The following ATAD2B variants were observed in gnomAD, a reference collection of about 807,000 sequenced individuals.
The protein encoded by ATAD2B is ATPase family AAA domain-containing protein 2B.
A neutral mutation model predicts 167.6 loss-of-function variants in ATAD2B; 40 were observed. The observed-to-expected ratio is 0.24, with a 90% confidence interval of 0.19 to 0.31. ATAD2B has a LOEUF of 0.31. Ranked by LOEUF, ATAD2B falls within the 10% of genes least tolerant of loss-of-function variation. ATAD2B has a pLI of 1.00. For missense variants in ATAD2B, 1,242 were observed against 1,757.2 expected (o/e 0.71, Z 5.24); for synonymous variants, 579 against 596.5 (o/e 0.97, Z 0.43).
chr2:23,721,416 C>T, the ATAD2B span, among the ~76,000 whole-genome samples: 1 of 152,172 alleles, frequency 6.6e-6, no homozygotes, highest in South Asian at 2.1e-4. Flanking sequence ...GAGGTTAAGC[C>T]CCAAGGCCAG....
At position 23,905,300 on chromosome 2, in the gene ATAD2B, T is replaced by C. The variant is rs543512134; in HGVS notation, c.217-9330A>G. ...TGGGAGGCTGAGGTAAAAGGATCAC[T>C]TAAGCCCATGAGTTCAAGAACAGCC... On this transcript the variant is annotated intron_variant, in intron 1 of 27. Coordinates refer to ENST00000238789, the MANE Select transcript of ATAD2B (RefSeq NM_017552.4). Among the ~76,000 whole-genome samples the C allele has an allele frequency of 1.8e-3, 278 of 152,300 alleles. 1 individual carries two copies. The highest frequency in any genetic ancestry group is 6.5e-3 in the African/African-American group (271 of 41,568).
chr2:23,728,178 A>C, the ATAD2B span, among the ~76,000 whole-genome samples: 115 of 152,244 alleles, frequency 7.6e-4, no homozygotes, highest in Admixed American at 3.0e-3. Flanking sequence ...GATGTAAGGG[A>C]AATTTCAGTA....
At chr2:23,890,832 T>A (rs775521798) in intron 2 of ATAD2B, among the ~76,000 whole-genome samples, 13 of 152,114 alleles carry the variant, frequency 8.5e-5, no homozygotes, top group Non-Finnish European at 1.6e-4. Flanking sequence ...AAGAAGACAA[T>A]GCTTACTTGG....
the ATAD2B span, among the ~76,000 whole-genome samples, chr2:23,681,826 T>C: frequency 6.6e-6 from 1 of 152,200 alleles, no homozygotes; most frequent in Non-Finnish European, 1.5e-5. This position sits in a 1 kb window ranked among gnomAD's most constrained non-coding sequence, Gnocchi z 4.2. Context: ...GGTTTGGGCA[T>C]TAATTCGGCT....
intron 19 of ATAD2B, among the ~76,000 whole-genome samples, chr2:23,795,685 G>C (rs764151661): frequency 1.3e-5 from 2 of 152,078 alleles, no homozygotes; most frequent in Non-Finnish European, 2.9e-5. Context: ...TTCAAGACCA[G>C]CCTGGCCAAC....
chr2:23,717,616 A>G, the ATAD2B span, among the ~76,000 whole-genome samples: 1 of 152,260 alleles, frequency 6.6e-6, no homozygotes, highest in Non-Finnish European at 1.5e-5. Flanking sequence ...GCTTCCTTCT[A>G]AAAGTTCAAG....
chr2:23,752,369 G>A lies in ATAD2B; in HGVS notation c.4336-282C>T, dbSNP rs948235966. On this transcript the variant is annotated intron_variant, in intron 27 of 27. Coordinates refer to ENST00000238789, the MANE Select transcript of ATAD2B (RefSeq NM_017552.4). ...GTAATATCAGTATGAGGTATGATAT[G>A]AGTAATATGAATATAAGGATGATGA... Among the ~76,000 whole-genome samples the A allele has an allele frequency of 2.6e-5, 4 of 151,590 alleles. No homozygotes were observed. In the East Asian group the frequency reaches 7.7e-4, roughly 29 times the overall value.
At chr2:23,773,241 C>T (rs1416591892) in intron 22 of ATAD2B, among the ~76,000 whole-genome samples, 1 of 152,124 alleles carries the variant, frequency 6.6e-6, no homozygotes, top group East Asian at 1.9e-4. Flanking sequence ...CATGTTGGCT[C>T]ACATCTGTAA....
the ATAD2B span, among the ~76,000 whole-genome samples, chr2:23,701,934 AG>A: frequency 2.1e-4 from 32 of 150,306 alleles, no homozygotes; most frequent in Non-Finnish European, 3.8e-4. Flanking sequence ...GTAGCTGGGT[AG>A]CTGGGTAGCT....
At chr2:23,859,191 G>A (rs2712079) in intron 12 of ATAD2B, among the ~76,000 whole-genome samples, 28,823 of 152,026 alleles carry the variant, frequency 0.19, 2,869 homozygotes, top group Middle Eastern at 0.26. Context: ...TTATAAGATG[G>A]ATACATTATA....
chr2:23,739,866 G>C, the ATAD2B span, among the ~76,000 whole-genome samples: 2 of 152,064 alleles, frequency 1.3e-5, no homozygotes, highest in Non-Finnish European at 2.9e-5. Flanking sequence ...TGATAAAGGG[G>C]ATATCACCAC....
At chr2:23,883,028 C>T (rs1319171708) in intron 6 of ATAD2B, among the ~76,000 whole-genome samples, 1 of 151,718 alleles carries the variant, frequency 6.6e-6, no homozygotes, top group East Asian at 1.9e-4. Flanking sequence ...AAACCCAGCA[C>T]TTTGGGAGGC....
chr2:23,742,529 GA>G, the ATAD2B span, among the ~76,000 whole-genome samples: 1 of 131,242 alleles, frequency 7.6e-6, no homozygotes, highest in South Asian at 2.4e-4. Flanking sequence ...ACAGGAAGGG[GA>G]ACATCACACA....
intron 6 of ATAD2B, among the ~76,000 whole-genome samples, 195 bp downstream of exon 6, chr2:23,884,570 T>A: frequency 6.6e-6 from 1 of 152,176 alleles, no homozygotes; most frequent in East Asian, 1.9e-4. Flanking sequence ...TAATGTGCAC[T>A]TAAAAGTATT....
chr2:23,856,428 G>C (rs1224141656), intron 13 of ATAD2B: 1 of 401,954 alleles, frequency 2.5e-6, no homozygotes, highest in South Asian at 1.9e-5. Context: ...AGCAGGTTGA[G>C]CATTATCATA....
In ATAD2B at chr2:23,926,871, T is replaced by C; in HGVS notation, c.-101A>G. The C allele has an allele frequency of 1.5e-6, 2 of 1,374,702 alleles. No homozygotes were observed. The highest frequency in any genetic ancestry group is 9.6e-7 in the Non-Finnish European group (1 of 1,042,950). 85.2% of individuals were successfully genotyped at this position (1,374,702 alleles called of 1,614,324 possible). On this transcript the variant is annotated 5_prime_UTR_variant, in exon 1 of 28. Transcript: ENST00000238789. The stretch of plus-strand genomic sequence containing the variant: ...GGGCCAGCGGAGCCGAGCCGGGCAA[T>C]GAGAGACGAGCCGGCCCGGAGCGTG...
At chr2:23,842,846 T>C (rs1432061180) in intron 13 of ATAD2B, among the ~76,000 whole-genome samples, 9 of 152,120 alleles carry the variant, frequency 5.9e-5, no homozygotes, top group Non-Finnish European at 1.2e-4. Context: ...TGAATGCATT[T>C]CAAGCCTAAC....
At chr2:23,780,959 C>G (rs985883552) in intron 22 of ATAD2B, among the ~76,000 whole-genome samples, 19 of 152,048 alleles carry the variant, frequency 1.2e-4, no homozygotes, top group African/African-American at 4.3e-4. Flanking sequence ...ATAACAAAAA[C>G]TTAAATGAAT....
At position 23,750,736 on chromosome 2, in the gene ATAD2B, G is replaced by C. The variant is rs1045626313; in HGVS notation, c.*1310C>G. ...AAGTCACTGCATCCTTTGCCTCATTGCAACTGCCTAGACTGTGTCTCCAAA... is the reference window on the plus strand; with the variant it reads ...AAGTCACTGCATCCTTTGCCTCATTCCAACTGCCTAGACTGTGTCTCCAAA... On this transcript the variant is annotated 3_prime_UTR_variant, in exon 28 of 28. Transcript: ENST00000238789. 1 of 152,118 alleles carries C rather than the reference G, an allele frequency of 6.6e-6. No homozygotes were observed. The highest frequency in any genetic ancestry group is 1.5e-5 in the Non-Finnish European group (1 of 68,002). The allele number at this position is 152,118 out of a possible 1,614,324, so 9.4% of individuals were successfully genotyped here. A position where few individuals can be genotyped will look rare whatever the true frequency, so the allele number is the denominator to read the frequency against.
Sources: gnomAD v4.1 joint callset for allele counts (sites outside exome capture counted in the v4.1 genomes callset) on GRCh38, gnomAD v4.1.1 for gene constraint, Gnocchi (gnomAD v3.1) non-coding constraint, MANE v1.5 for transcripts, NCBI Gene and HGNC (gene_info 2026-07-23, HGNC 2026-07-21) for gene names.